The following LDLRAD4 variants were observed in gnomAD, a reference collection of about 807,000 sequenced individuals.
LDLRAD4 encodes low-density lipoprotein receptor class A domain-containing protein 4.
Under a neutral mutation model 17.0 loss-of-function variants are expected in LDLRAD4, and 5 were observed. That is an observed-to-expected ratio of 0.29 (90% confidence interval 0.15 to 0.62). The LOEUF (loss-of-function observed/expected upper bound fraction) is 0.62. Ranked by LOEUF, LDLRAD4 falls within the 20% of genes least tolerant of loss-of-function variation. The probability of loss-of-function intolerance (pLI) is 0.84; values close to 1 mark genes in which losing one functional copy is unlikely to be tolerated. For synonymous variants in LDLRAD4, 168 were observed against 171.8 expected (o/e 0.98, Z 0.17); for missense variants, 340 against 424.7 (o/e 0.80, Z 1.75).
At chr18:13,288,171 G>A (rs1231978889) in intron 1 of LDLRAD4, among the ~76,000 whole-genome samples, 1 of 152,208 alleles carries the variant, frequency 6.6e-6, no homozygotes, top group Non-Finnish European at 1.5e-5. Flanking sequence ...TCAGTAAAAT[G>A]TCTGGCAGTT....
chr18:13,359,366 CTG>C (rs929309539), intron 1 of LDLRAD4, among the ~76,000 whole-genome samples: 1 of 152,084 alleles, frequency 6.6e-6, no homozygotes, highest in Non-Finnish European at 1.5e-5. Context: ...AATGATCAGT[CTG>C]GGGCCTGTGG....
At chr18:13,467,863 A>G (rs2092667115) in intron 3 of LDLRAD4, among the ~76,000 whole-genome samples, 1 of 152,236 alleles carries the variant, frequency 6.6e-6, no homozygotes, top group Admixed American at 6.5e-5. Context: ...GATTTTTGAT[A>G]AGGGCTCCAA....
chr18:13,238,230 A>G (rs183344212), intron 1 of LDLRAD4, among the ~76,000 whole-genome samples: 36 of 152,302 alleles, frequency 2.4e-4, no homozygotes, highest in African/African-American at 8.4e-4. Flanking sequence ...ATTTTCCAGT[A>G]TTGGAACTGG....
chr18:13,567,348 T>TG (rs2094618355), intron 3 of LDLRAD4, among the ~76,000 whole-genome samples: 1 of 152,192 alleles, frequency 6.6e-6, no homozygotes, highest in East Asian at 1.9e-4. Context: ...AAGGCAGAGA[T>TG]GAGGGGCTTG....
At chr18:13,426,280 G>C (rs1209243543) in intron 2 of LDLRAD4, among the ~76,000 whole-genome samples, 1 of 152,220 alleles carries the variant, frequency 6.6e-6, no homozygotes, top group Admixed American at 6.5e-5. Flanking sequence ...TTACTGGGGA[G>C]ATAGACAAAG....
Position 13,337,126 on chromosome 18 carries a change from TC to T in LDLRAD4, c.-382-50213del, listed in dbSNP as rs1009469881. Reference sequence around the variant, plus strand: ...TGATGCACTAGAGAGAGGGCTGTTTTCCTACAAATGTAATCCATCTCTGAGA... The same window carrying T: ...TGATGCACTAGAGAGAGGGCTGTTTTCTACAAATGTAATCCATCTCTGAGA... On this transcript the variant is annotated intron_variant, in intron 1 of 5. Coordinates refer to ENST00000359446, the Ensembl canonical transcript of LDLRAD4. 1.5e-3 allele frequency among the ~76,000 whole-genome samples: 228 copies of T among 152,322 alleles called. 1 individual carries two copies. The highest frequency in any genetic ancestry group is 5.2e-3 in the African/African-American group (215 of 41,570).
At chr18:13,517,723 C>T (rs2093888845) in intron 3 of LDLRAD4, among the ~76,000 whole-genome samples, 1 of 149,756 alleles carries the variant, frequency 6.7e-6, no homozygotes, top group African/African-American at 2.5e-5. Context: ...TATAATATGT[C>T]TGGACATGAC....
intron 4 of LDLRAD4, chr18:13,642,163 G>GTA: frequency 1.0e-6 from 1 of 985,522 alleles, no homozygotes; most frequent in South Asian, 4.7e-5. Flanking sequence ...ATGTCCCCGA[G>GTA]TATCTTAGGA....
intron 3 of LDLRAD4, chr18:13,612,678 G>A (rs763283091): frequency 6.2e-7 from 1 of 1,613,770 alleles, no homozygotes; most frequent in Non-Finnish European, 8.5e-7. Context: ...CGTCACAGTT[G>A]GACTCCCACT....
intron 1 of LDLRAD4, among the ~76,000 whole-genome samples, chr18:13,322,925 A>G (rs1306755021): frequency 6.6e-6 from 1 of 151,900 alleles, no homozygotes; most frequent in Non-Finnish European, 1.5e-5. Flanking sequence ...GCACCAGGCC[A>G]TATTTCTCAC....
chr18:13,638,141 C>T (rs934194119), intron 4 of LDLRAD4, among the ~76,000 whole-genome samples: 1 of 152,052 alleles, frequency 6.6e-6, no homozygotes, highest in South Asian at 2.1e-4. Flanking sequence ...CTCGGTGGCA[C>T]ACACCTGTAG....
At position 13,530,390 on chromosome 18, in the gene LDLRAD4, G is replaced by A. The variant is rs2094109158; in HGVS notation, c.182-90727G>A. On this transcript the variant is annotated intron_variant, in intron 3 of 5. Transcript: ENST00000359446. ...GTTAATGGACAGTCTTAGAGGAGAT[G>A]ATGGGGTCATCAGTCTGTTTCTGGA... Among the ~76,000 whole-genome samples, 6 of 152,366 alleles carry A rather than the reference G, an allele frequency of 3.9e-5. No homozygotes were observed. In the South Asian group the frequency reaches 1.2e-3, roughly 32 times the overall value.
chr18:13,344,354 T>G (rs867155435), intron 1 of LDLRAD4, among the ~76,000 whole-genome samples: 2 of 152,288 alleles, frequency 1.3e-5, no homozygotes, highest in African/African-American at 4.8e-5. Flanking sequence ...TTTCCCCATT[T>G]CTTGTTTTTG....
intron 3 of LDLRAD4, among the ~76,000 whole-genome samples, chr18:13,512,159 G>C (rs1164536256): frequency 6.6e-6 from 1 of 152,178 alleles, no homozygotes; most frequent in Non-Finnish European, 1.5e-5. Context: ...TGGGCCTACA[G>C]GGTAGATATA....
At chr18:13,349,253 C>A (rs963592065) in intron 1 of LDLRAD4, among the ~76,000 whole-genome samples, 10 of 152,234 alleles carry the variant, frequency 6.6e-5, no homozygotes, top group African/African-American at 2.4e-4. Flanking sequence ...AATTTAATAT[C>A]AATGTCATAC....
intron 3 of LDLRAD4, among the ~76,000 whole-genome samples, chr18:13,596,009 T>C (rs1182443898): frequency 1.3e-5 from 2 of 152,250 alleles, no homozygotes; most frequent in African/African-American, 4.8e-5. Flanking sequence ...CTGTTTTTCC[T>C]TTCAATTCTG....
At chr18:13,473,636 CATATATATATATATATATATATATAT>C (rs71366054) in intron 3 of LDLRAD4, among the ~76,000 whole-genome samples, 4 of 28,780 alleles carry the variant, frequency 1.4e-4, no homozygotes, top group Admixed American at 5.1e-4. Flanking sequence ...GATCCCATCT[CATATATATATATATATATATATATAT>C]ATATATATAT....
At chr18:13,394,452 A>T (rs2086503658) in intron 2 of LDLRAD4, among the ~76,000 whole-genome samples, 1 of 152,248 alleles carries the variant, frequency 6.6e-6, no homozygotes, top group African/African-American at 2.4e-5. Flanking sequence ...CAACATAAAG[A>T]TAGTTATAAA....
intron 3 of LDLRAD4, among the ~76,000 whole-genome samples, chr18:13,485,420 G>C (rs1050767339): frequency 2.0e-5 from 3 of 152,256 alleles, no homozygotes; most frequent in East Asian, 3.8e-4. Context: ...GCCTCCGCCT[G>C]CTTCCTGTTG....
Sources: allele counts gnomAD v4.1 joint callset (sites outside exome capture counted in the v4.1 genomes callset), GRCh38; gene constraint gnomAD v4.1.1; transcripts MANE v1.5; gene names NCBI Gene and HGNC (gene_info 2026-07-23, HGNC 2026-07-21).